Variants in AHNAK2 observed in about 807,000 individuals in gnomAD.
AHNAK2 encodes AHNAK nucleoprotein 2.
A neutral mutation model predicts 30.7 loss-of-function variants in AHNAK2; 18 were observed. The ratio of observed to expected loss-of-function variants is 0.59; its 90% CI spans 0.41 to 0.87. The LOEUF is 0.87. AHNAK2 is among the 40% of genes least tolerant of loss of function. The pLI is 0.00. For synonymous variants in AHNAK2, 3,590 were observed against 3,073.8 expected, an observed-to-expected ratio of 1.17 and a Z score of -5.56; for missense variants, 8,604 against 7,373.0, an observed-to-expected ratio of 1.17 and a Z score of -6.11.
At position 104,941,342 on chromosome 14, in the gene AHNAK2, A is replaced by G; in HGVS notation, c.14109T>C (p.His4703=). 2 of 1,613,610 alleles carry G rather than the reference A, an allele frequency of 1.2e-6. No homozygotes were observed. The highest frequency in any genetic ancestry group is 1.7e-6 in the Non-Finnish European group (2 of 1,179,894). The change falls in exon 7 of 7, where the codon CAT becomes CAC. Residue 4703 remains histidine, a synonymous_variant. Coordinates refer to ENST00000333244, the MANE Select transcript of AHNAK2 (RefSeq NM_138420.4). ...VGMDSKFKKL[H]FKVPKVSFSS... ...AAAATGAAACTTTGGGCACTTTAAA[A>G]TGCAGTTTCTTAAACTTCGAATCCA... is the stretch of plus-strand genomic sequence containing the variant.
Position 104,950,026 on chromosome 14 carries a change from G to T in AHNAK2, c.5425C>A (p.Leu1809Met), listed in dbSNP as rs750937758. 39 of 1,587,062 alleles carry T rather than the reference G, an allele frequency of 2.5e-5. 1 individual carries two copies. The East Asian group carries it at 6.1e-4, about 25-fold the overall frequency. The change falls in exon 7 of 7, where the codon CTG (leucine) becomes ATG (methionine). Residue 1809 changes from leucine (L) to methionine (M), a missense_variant. Transcript: ENST00000333244. ...GTCACATCCTTGTCGGCCAGGGACA[G>T]GTCACCCTCCAGCCGCACACTGTCC... Reference protein sequence around the residue: ...KLDSVRLEGDLSLADKDVTAK... With the variant: ...KLDSVRLEGDMSLADKDVTAK...
chr14:104,954,896 G>T lies in AHNAK2; in HGVS notation c.651+61C>A. The T allele has an allele frequency of 1.9e-6, 3 of 1,544,510 alleles. No homozygotes were observed. Among genetic ancestry groups the T allele is most frequent in the Non-Finnish European group, 2.6e-6 (3 of 1,145,656 alleles). The stretch of plus-strand genomic sequence containing the variant: ...GAGTGGGAGTGCTATCCCCTCCCAG[G>T]CTCAGCCAGCAGGGTAGTGAAGCCA... On this transcript the variant is annotated intron_variant, in intron 6 of 6. Coordinates refer to ENST00000333244, the MANE Select transcript of AHNAK2 (RefSeq NM_138420.4). The surrounding 1 kb of genome is among the most constrained non-coding windows in gnomAD (Gnocchi z 4.3).
intron 1 of AHNAK2, among the ~76,000 whole-genome samples, chr14:104,967,121 T>A (rs771948357): frequency 1.1e-4 from 17 of 152,020 alleles, no homozygotes; most frequent in Non-Finnish European, 2.2e-4. Context: ...GGAGACCGGG[T>A]GTCCCAGGCC....
Position 104,951,134 on chromosome 14 carries a change from G to T in AHNAK2, c.4317C>A (p.Asp1439Glu). 9.4e-7 allele frequency: 1 copy of T among 1,068,378 alleles called. No individual in the cohort carries two copies. The highest frequency in any genetic ancestry group is 2.7e-4 in the Middle Eastern group (1 of 3,686). The allele number at this position is 1,068,378 out of a possible 1,614,324, so 66.2% of individuals were successfully genotyped here. Reference sequence around the variant, plus strand: ...TCACTTCCACCTTGGGGTCTTTTAGGTCCAGCTTGGGGCCCTTGATGTCTA... The same window carrying T: ...TCACTTCCACCTTGGGGTCTTTTAGTTCCAGCTTGGGGCCCTTGATGTCTA... ...PEIDIKGPKL[D>E]LKDPKVEVTA... Residue 1439 changes from aspartate to glutamate, a missense_variant, in exon 7 of 7, where the codon GAC becomes GAA. Coordinates refer to ENST00000333244, the MANE Select transcript of AHNAK2 (RefSeq NM_138420.4).
chr14:104,940,029 A>T lies in AHNAK2; in HGVS notation c.15422T>A (p.Val5141Asp). Residue 5141 changes from valine (V) to aspartate (D), a missense_variant, in exon 7 of 7, where the codon GTC (valine) becomes GAC (aspartate). By Grantham distance (152) the Val-to-Asp change is radical. Transcript: ENST00000333244. This position sits in a 1 kb window ranked among gnomAD's most constrained non-coding sequence, Gnocchi z 4.4. ...GDSRGCGLGD[V>D]PVSQPCGEGI... ...CTCCCCACAAGGCTGGCTCACTGGG[A>T]CATCCCCGAGCCCACATCCTCTGCT... 6.2e-7 allele frequency: 1 copy of T among 1,611,102 alleles called. No homozygotes were observed. The highest frequency in any genetic ancestry group is 2.2e-5 in the East Asian group (1 of 44,864).
chr14:104,966,768 C>T lies in AHNAK2; in HGVS notation c.56-9096G>A, dbSNP rs1003521018. On this transcript the variant is annotated intron_variant, in intron 1 of 6. Coordinates refer to ENST00000333244, the MANE Select transcript of AHNAK2 (RefSeq NM_138420.4). This position sits in a 1 kb window ranked among gnomAD's most constrained non-coding sequence, Gnocchi z 4.3. The stretch of plus-strand genomic sequence containing the variant: ...AGCCACACCAGACCCACAACAAATT[C>T]GTGGGACGGGGTGGTGCCAAGGAAA... Among the ~76,000 whole-genome samples, 2 of 152,186 alleles carry T rather than the reference C, an allele frequency of 1.3e-5. No homozygotes were observed. The highest frequency in any genetic ancestry group is 2.4e-5 in the African/African-American group (1 of 41,440).
chr14:104,939,978 G>A lies in AHNAK2; in HGVS notation c.15473C>T (p.Pro5158Leu). 1 of 1,612,076 alleles carries A rather than the reference G, an allele frequency of 6.2e-7. No homozygotes were observed. Among genetic ancestry groups the A allele is most frequent in the Non-Finnish European group, 8.5e-7 (1 of 1,179,900 alleles). ...GEGIAPTPED[P>L]LQPSCRKPDA... is the part of the protein sequence containing the mutation. ...TGGTTTTCTACAGGATGGCTGGAGG[G>A]GATCTTCAGGTGTGGGGGCTATCCC... Residue 5158 changes from proline (P) to leucine (L), a missense_variant, in exon 7 of 7, where the codon CCC becomes CTC. Physicochemically the swap from Pro to Leu is moderately conservative, Grantham distance 98. Transcript: ENST00000333244.
At chr14:104,964,699 C>T (rs1342694623) in intron 1 of AHNAK2, among the ~76,000 whole-genome samples, 5 of 152,196 alleles carry the variant, frequency 3.3e-5, no homozygotes, top group South Asian at 2.1e-4. Context: ...ATATAAAAAG[C>T]GCTCGTACCG....
chr14:104,975,105 G>A (rs1158088736), intron 1 of AHNAK2, among the ~76,000 whole-genome samples: 1 of 152,256 alleles, frequency 6.6e-6, no homozygotes, highest in East Asian at 1.9e-4. Flanking sequence ...TTGGCCAAAT[G>A]GAGAGAAGGC....
chr14:104,941,359 T>C lies in AHNAK2; in HGVS notation c.14092A>G (p.Lys4698Glu). The C allele has an allele frequency of 6.2e-7, 1 of 1,613,504 alleles. No individual in the cohort carries two copies. The highest frequency in any genetic ancestry group is 8.5e-7 in the Non-Finnish European group (1 of 1,179,892). ...LAVGEVGMDS[K>E]FKKLHFKVPK... ...ACTTTAAAATGCAGTTTCTTAAACT[T>C]CGAATCCATTCCAACTTCTCCAACA... is the stretch of plus-strand genomic sequence containing the variant. Residue 4698 changes from lysine to glutamate, a missense_variant, in exon 7 of 7, where the codon AAG (lysine) becomes GAG (glutamate). By Grantham distance (56) the Lys-to-Glu change is moderately conservative (BLOSUM62 1). Transcript: ENST00000333244.
chr14:104,968,679 G>A (rs1015628015), intron 1 of AHNAK2, among the ~76,000 whole-genome samples: 1 of 152,194 alleles, frequency 6.6e-6, no homozygotes, highest in Non-Finnish European at 1.5e-5. Flanking sequence ...AAGTCCCCAG[G>A]GCCCTGGGGG....
At chr14:104,972,447 G>A (rs1357332533) in intron 1 of AHNAK2, among the ~76,000 whole-genome samples, 2 of 152,196 alleles carry the variant, frequency 1.3e-5, no homozygotes, top group African/African-American at 2.4e-5. Context: ...AGTGGGACAG[G>A]AAGGAGACGC....
chr14:104,965,470 A>ACAAAAAG (rs1899277908), intron 1 of AHNAK2, among the ~76,000 whole-genome samples: 1 of 151,866 alleles, frequency 6.6e-6, no homozygotes, highest in African/African-American at 2.4e-5. Flanking sequence ...AAACCGTCCC[A>ACAAAAAG]CAAAAAGGAC....
chr14:104,949,281 G>C lies in AHNAK2; in HGVS notation c.6170C>G (p.Pro2057Arg), dbSNP rs561933027. 8 of 1,061,862 alleles carry C rather than the reference G, an allele frequency of 7.5e-6. 1 individual carries two copies. The African/African-American group carries it at 1.2e-4, about 16-fold the overall frequency. 65.8% of individuals were successfully genotyped at this position (1,061,862 alleles called of 1,614,324 possible). Residue 2057 changes from proline to arginine, a missense_variant, in exon 7 of 7, where the codon CCG becomes CGG. By Grantham distance (103) the Pro-to-Arg change is moderately radical. Coordinates refer to ENST00000333244, the MANE Select transcript of AHNAK2 (RefSeq NM_138420.4). ...AGCTCCCTCGGGCACGTGGCCCTCCGGGAGCTTCACATCCACCTGGCCAGT... is the reference window on the plus strand; with the variant it reads ...AGCTCCCTCGGGCACGTGGCCCTCCCGGAGCTTCACATCCACCTGGCCAGT... ...VQTGQVDVKL[P>R]EGHVPEGAGL...
At position 104,949,576 on chromosome 14, in the gene AHNAK2, G is replaced by C. The variant is rs774548940; in HGVS notation, c.5875C>G (p.Gln1959Glu). The C allele has an allele frequency of 1.6e-5, 26 of 1,587,520 alleles. 2 individuals are homozygous for C. In the African/African-American group the frequency reaches 3.0e-4, roughly 18 times the overall value. ...VSLPSMEVDVQAQKAKLDGAR... is the reference protein window; with the variant it reads ...VSLPSMEVDVEAQKAKLDGAR... The stretch of plus-strand genomic sequence containing the variant: ...CCATCCAGCTTAGCCTTCTGGGCCT[G>C]GACATCCACCTCCATGCTGGGCAGA... Residue 1959 changes from glutamine to glutamate, a missense_variant, in exon 7 of 7, where the codon CAG (glutamine) becomes GAG (glutamate). Physicochemically the swap from Gln to Glu is conservative, Grantham distance 29. Transcript: ENST00000333244.
rs1225079456 is a variant in AHNAK2 at position 104,950,838 on chromosome 14, G to T, written c.4613C>A (p.Ala1538Asp). The T allele has an allele frequency of 6.3e-7, 1 of 1,585,414 alleles. No individual in the cohort carries two copies. The highest frequency in any genetic ancestry group is 1.4e-5 in the African/African-American group (1 of 73,606). Residue 1538 changes from alanine (A) to aspartate (D), a missense_variant, in exon 7 of 7, where the codon GCC (alanine) becomes GAC (aspartate). Coordinates refer to ENST00000333244, the MANE Select transcript of AHNAK2 (RefSeq NM_138420.4). ...SLPSMQGDLKATDLSIQPPSA... is the reference protein window; with the variant it reads ...SLPSMQGDLKDTDLSIQPPSA... ...AGGGGGCTGTATGCTCAGGTCAGTG[G>T]CCTTGAGGTCCCCCTGCATGGAGGG...
chr14:104,949,265 G>C lies in AHNAK2; in HGVS notation c.6186C>G (p.Pro2062=), dbSNP rs547642658. ...GGTGCCCTTTGAGGCCAGCTCCCTC[G>C]GGCACGTGGCCCTCCGGGAGCTTCA... The part of the protein sequence containing the change: ...VDVKLPEGHV[P]EGAGLKGHLP... Residue 2062 remains proline (P), a synonymous_variant, in exon 7 of 7, where the codon CCC becomes CCG. Transcript: ENST00000333244. The C allele has an allele frequency of 3.8e-6, 4 of 1,066,316 alleles. No homozygotes were observed. The African/African-American group carries it at 4.3e-5, about 11-fold the overall frequency. The allele number at this position is 1,066,316 out of a possible 1,614,324, so 66.1% of individuals were successfully genotyped here. A position where few individuals can be genotyped will look rare whatever the true frequency, so the allele number is the denominator to read the frequency against.
rs766570137 is a variant in AHNAK2 at position 104,944,842 on chromosome 14, C to G, written c.10609G>C (p.Val3537Leu). The G allele has an allele frequency of 6.2e-7, 1 of 1,612,362 alleles. No individual in the cohort carries two copies. Among genetic ancestry groups the G allele is most frequent in the South Asian group, 1.1e-5 (1 of 91,006 alleles). The change falls in exon 7 of 7, where the codon GTG (valine) becomes CTG (leucine). Residue 3537 changes from valine to leucine, a missense_variant. Val to Leu is a conservative substitution (Grantham distance 32). Transcript: ENST00000333244. ...SADLEVQAVQ[V>L]DVELLEGPVP... ...GGGCCCTCCAGGAGTTCCACATCCA[C>G]TTGGACAGCCTGGACCTCCAGGTCA...
In AHNAK2 at chr14:104,946,217, T is replaced by G. The variant is rs12436986; in HGVS notation, c.9234A>C (p.Gly3078=). 0.54 allele frequency: 622,178 copies of G among 1,141,946 alleles called. 229,810 individuals are homozygous for G. The highest frequency in any genetic ancestry group is 0.69 in the Middle Eastern group (3,268 of 4,730). 70.7% of individuals were successfully genotyped at this position (1,141,946 alleles called of 1,614,324 possible). ...TGGGGCCCTTGACATCTATCTGGGG[T>G]CCCTTGCGATCTACTTTGGGCATCT... ...SFKMPKVDRK[G]PQIDVKGPKL... Residue 3078 remains glycine (G), a synonymous_variant, in exon 7 of 7, where the codon GGA becomes GGC. Coordinates refer to ENST00000333244, the MANE Select transcript of AHNAK2 (RefSeq NM_138420.4).
Sources: gnomAD v4.1 joint callset for allele counts (sites outside exome capture counted in the v4.1 genomes callset) on GRCh38, gnomAD v4.1.1 for gene constraint, Gnocchi (gnomAD v3.1) non-coding constraint, MANE v1.5 for transcripts, NCBI Gene and HGNC (gene_info 2026-07-23, HGNC 2026-07-21) for gene names.